Variants in CEP15 observed in about 807,000 individuals in gnomAD.
CEP15 encodes the protein centrosomal protein 15 kDa.
chr3:62,324,036 A>C, the CEP15 span: 1 of 152,092 alleles, frequency 6.6e-6, no homozygotes, highest in Non-Finnish European at 1.5e-5. Context: ...GTATGTTTTT[A>C]AACTTTGGAA....
At chr3:62,335,221 T>C in the CEP15 span, 2 of 152,156 alleles carry the variant, frequency 1.3e-5, no homozygotes, top group African/African-American at 2.4e-5. Context: ...TTCAGGTTTT[T>C]TTCTCCCTAA....
chr3:62,329,783 C>G, the CEP15 span, among the ~76,000 whole-genome samples: 7 of 152,212 alleles, frequency 4.6e-5, no homozygotes, highest in African/African-American at 1.7e-4. Flanking sequence ...TGCTAAGTGG[C>G]GCCAAGATCT....
the CEP15 span, among the ~76,000 whole-genome samples, chr3:62,320,903 T>C: frequency 6.6e-6 from 1 of 152,196 alleles, no homozygotes; most frequent in Non-Finnish European, 1.5e-5. Flanking sequence ...CTTGCATCAT[T>C]TTGGACTGGA....
At chr3:62,332,725 T>C in the CEP15 span, among the ~76,000 whole-genome samples, 1 of 152,126 alleles carries the variant, frequency 6.6e-6, no homozygotes, top group East Asian at 1.9e-4. Context: ...ATATATTTCC[T>C]ACACAATTAA....
At chr3:62,325,075 G>C in the CEP15 span, among the ~76,000 whole-genome samples, 1 of 152,124 alleles carries the variant, frequency 6.6e-6, no homozygotes, top group Non-Finnish European at 1.5e-5. Context: ...GTTCACATTA[G>C]CAATAAAATT....
At chr3:62,329,036 G>A in the CEP15 span, among the ~76,000 whole-genome samples, 1 of 151,776 alleles carries the variant, frequency 6.6e-6, no homozygotes, top group Non-Finnish European at 1.5e-5. Flanking sequence ...CCCCTCTTAG[G>A]TATAGTTGGA....
chr3:62,333,124 A>G, the CEP15 span: 1 of 804,942 alleles, frequency 1.2e-6, no homozygotes, highest in Non-Finnish European at 1.9e-6. This position sits in a 1 kb window ranked among gnomAD's most constrained non-coding sequence, Gnocchi z 4.0. Context: ...AATGCATTCT[A>G]CATATATGTG....
At chr3:62,328,018 C>G in the CEP15 span, among the ~76,000 whole-genome samples, 3 of 152,238 alleles carry the variant, frequency 2.0e-5, no homozygotes, top group African/African-American at 7.2e-5. Context: ...ATAAGTTATT[C>G]CAGGCTCATT....
chr3:62,335,060 C>T, the CEP15 span: 1 of 151,782 alleles, frequency 6.6e-6, no homozygotes, highest in African/African-American at 2.4e-5. Context: ...TTGTGTCAAG[C>T]GAGTAGGCAA....
At chr3:62,331,233 G>A in the CEP15 span, 17 of 1,031,524 alleles carry the variant, frequency 1.6e-5, no homozygotes, top group East Asian at 2.4e-5. Flanking sequence ...GAAGAGTTGA[G>A]GTGAGAGATT....
chr3:62,333,061 T>A, the CEP15 span, among the ~76,000 whole-genome samples: 2 of 152,112 alleles, frequency 1.3e-5, no homozygotes, highest in Non-Finnish European at 2.9e-5. The surrounding 1 kb of genome is among the most constrained non-coding windows in gnomAD (Gnocchi z 4.0). Flanking sequence ...AAATTAACAC[T>A]AGTAAGTAGC....
the CEP15 span, among the ~76,000 whole-genome samples, chr3:62,325,147 A>G: frequency 6.6e-6 from 1 of 152,216 alleles, no homozygotes; most frequent in Non-Finnish European, 1.5e-5. Context: ...GACAATTATT[A>G]CACTGAAATG....
At chr3:62,321,838 T>C in the CEP15 span, 1 of 929,652 alleles carries the variant, frequency 1.1e-6, no homozygotes, top group Admixed American at 3.2e-5. This position sits in a 1 kb window ranked among gnomAD's most constrained non-coding sequence, Gnocchi z 4.1. Flanking sequence ...TGAAGTGAGG[T>C]GCAATTAAGA....
At chr3:62,333,297 G>A in the CEP15 span, 50 of 1,611,280 alleles carry the variant, frequency 3.1e-5, no homozygotes, top group Non-Finnish European at 3.1e-5. This position sits in a 1 kb window ranked among gnomAD's most constrained non-coding sequence, Gnocchi z 4.0. Flanking sequence ...TCCCAAATGG[G>A]AACAGTTTCT....
At chr3:62,320,563 G>A in the CEP15 span, 3 of 1,519,448 alleles carry the variant, frequency 2.0e-6, no homozygotes, top group South Asian at 1.1e-5. Context: ...TATAGAAATT[G>A]GACTGGCTTT....
At chr3:62,331,341 A>T in the CEP15 span, 1 of 1,612,898 alleles carries the variant, frequency 6.2e-7, no homozygotes, top group African/African-American at 1.3e-5. Context: ...GAAGCAGCAG[A>T]AAAGTCACTA....
At chr3:62,325,013 A>C in the CEP15 span, among the ~76,000 whole-genome samples, 2 of 152,224 alleles carry the variant, frequency 1.3e-5, no homozygotes, top group Non-Finnish European at 2.9e-5. Context: ...GATAAAAGAT[A>C]CAAAAATCAA....
At chr3:62,320,098 G>C in the CEP15 span, among the ~76,000 whole-genome samples, 130 of 152,256 alleles carry the variant, frequency 8.5e-4, no homozygotes, top group East Asian at 0.023. Flanking sequence ...CATGCATAAG[G>C]GATGGTGTTC....
chr3:62,322,779 G>A, the CEP15 span, among the ~76,000 whole-genome samples: 2 of 152,212 alleles, frequency 1.3e-5, no homozygotes, highest in South Asian at 4.1e-4. This position sits in a 1 kb window ranked among gnomAD's most constrained non-coding sequence, Gnocchi z 5.5. Context: ...ATAAAGCAGT[G>A]TTTTCAGTTT....
Sources: gnomAD v4.1 joint callset for allele counts (sites outside exome capture counted in the v4.1 genomes callset) on GRCh38, gnomAD v4.1.1 for gene constraint, Gnocchi (gnomAD v3.1) non-coding constraint, MANE v1.5 for transcripts, NCBI Gene and HGNC (gene_info 2026-07-23, HGNC 2026-07-21) for gene names.